Variants in APIP observed in about 807,000 individuals in gnomAD.
APIP encodes APAF1 interacting protein.
A neutral mutation model predicts 32.0 loss-of-function variants in APIP; 32 were observed. The ratio of observed to expected loss-of-function variants is 1.00; its 90% confidence interval spans 0.76 to 1.34. The LOEUF (loss-of-function observed/expected upper bound fraction) is 1.34. Ranked by LOEUF, APIP falls within the 40% of genes most tolerant of loss-of-function variation. The probability of loss-of-function intolerance (pLI) is 0.00; values close to 1 mark genes in which losing one functional copy is unlikely to be tolerated. For synonymous variants in APIP, 92 were observed against 94.8 expected (o/e 0.97, Z 0.17); for missense variants, 247 against 298.6 (o/e 0.83, Z 1.27).
At chr11:34,905,289 G>A (rs560235403) in intron 1 of APIP, among the ~76,000 whole-genome samples, 26 of 105,666 alleles carry the variant, frequency 2.5e-4, no homozygotes, top group Non-Finnish European at 4.5e-4. Flanking sequence ...ATCTGCCATG[G>A]TCCATTTGTA....
chr11:34,909,574 AG>A (rs1853511943), intron 1 of APIP, among the ~76,000 whole-genome samples: 1 of 152,162 alleles, frequency 6.6e-6, no homozygotes, highest in Non-Finnish European at 1.5e-5. Flanking sequence ...GAGAGAGGCA[AG>A]TACTCCAGGC....
intron 5 of APIP, among the ~76,000 whole-genome samples, chr11:34,887,232 C>T (rs1296060994): frequency 1.3e-4 from 20 of 152,096 alleles, no homozygotes; most frequent in Admixed American, 1.3e-3. Flanking sequence ...CTCTACCTTA[C>T]TTTTTCCAAA....
chr11:34,888,280 G>GA lies in APIP; in HGVS notation c.461+12dup, dbSNP rs35393135. On this transcript the variant is annotated intron_variant, in intron 5 of 6. Transcript: ENST00000395787. ...TCTTTTCAAATTATTTAAGAAAAAGGAAAAAAAAATACCTATAATACCCTC... is the reference window on the plus strand; with the variant it reads ...TCTTTTCAAATTATTTAAGAAAAAGGAAAAAAAAAATACCTATAATACCCTC... 118 of 1,550,238 alleles carry GA rather than the reference G, an allele frequency of 7.6e-5. No individual in the cohort carries two copies. Among genetic ancestry groups the GA allele is most frequent in the South Asian group, 3.2e-4 (26 of 80,746 alleles).
chr11:34,883,513 C>CA lies in APIP; in HGVS notation c.462-10dup. 1.2e-6 allele frequency: 2 copies of CA among 1,609,248 alleles called. No homozygotes were observed. Among genetic ancestry groups the CA allele is most frequent in the Non-Finnish European group, 1.7e-6 (2 of 1,177,826 alleles). On this transcript the variant is annotated splice_polypyrimidine_tract_variant and intron_variant, in intron 5 of 6. Transcript: ENST00000395787. ...CTAACATATCATCATATCTGTAAGA[C>CA]AAAACAAGCCATTTTTTTCCATTAA...
chr11:34,893,624 T>C (rs1008925975), intron 2 of APIP, among the ~76,000 whole-genome samples: 2 of 152,224 alleles, frequency 1.3e-5, no homozygotes, highest in African/African-American at 4.8e-5. Context: ...ACAGATGGAT[T>C]TATTGATCTA....
intron 2 of APIP, among the ~76,000 whole-genome samples, chr11:34,892,925 GA>G (rs938823192): frequency 2.6e-5 from 4 of 151,652 alleles, no homozygotes; most frequent in African/African-American, 7.3e-5. Flanking sequence ...AAATATTAGG[GA>G]AAAAAACCAA....
chr11:34,914,264 A>T lies in APIP; in HGVS notation c.57+1964T>A, dbSNP rs534137681. 2.0e-5 allele frequency among the ~76,000 whole-genome samples: 3 copies of T among 152,310 alleles called. No homozygotes were observed. In the South Asian group the frequency reaches 6.2e-4, roughly 32 times the overall value. ...TAATTTGTCTCTTCCACTGTACAGCATGTTCTAGGGGAGAAGGAACCAGAT... is the reference window on the plus strand; with the variant it reads ...TAATTTGTCTCTTCCACTGTACAGCTTGTTCTAGGGGAGAAGGAACCAGAT... On this transcript the variant is annotated intron_variant, in intron 1 of 6. Transcript: ENST00000395787.
chr11:34,903,530 C>T (rs1012032828), intron 1 of APIP, among the ~76,000 whole-genome samples: 5 of 152,160 alleles, frequency 3.3e-5, no homozygotes, highest in Admixed American at 6.5e-5. Context: ...ACCAATGGAC[C>T]GCCTGTAAAA....
intron 4 of APIP, 106 bp downstream of exon 4, chr11:34,888,646 T>G: frequency 1.7e-6 from 2 of 1,147,220 alleles, no homozygotes; most frequent in African/African-American, 1.6e-5. Context: ...TTCAAGTTCT[T>G]GCACATGGTG....
In APIP at chr11:34,895,100, T is replaced by C. The variant is rs17850326; in HGVS notation, c.68A>G (p.His23Arg). ...AAGTTCTGGGATCAGGTATCTTGGA[T>C]GCTCCTTGTCCTTAAAAAGAAGGTA... ...SRRCGAQDKE[H>R]PRYLIPELCK... Residue 23 changes from histidine (H) to arginine (R), a missense_variant, in exon 2 of 7, where the codon CAT becomes CGT. By Grantham distance (29) the His-to-Arg change is conservative. Coordinates refer to ENST00000395787, the MANE Select transcript of APIP (RefSeq NM_015957.4). 6.2e-7 allele frequency: 1 copy of C among 1,613,506 alleles called. No individual in the cohort carries two copies. Among genetic ancestry groups the C allele is most frequent in the Non-Finnish European group, 8.5e-7 (1 of 1,179,538 alleles).
At position 34,888,810 on chromosome 11, in the gene APIP, C is replaced by A; in HGVS notation, c.267G>T (p.Ser89=). 6.6e-7 allele frequency: 1 copy of A among 1,519,912 alleles called. No homozygotes were observed. Among genetic ancestry groups the A allele is most frequent in the Non-Finnish European group, 8.7e-7 (1 of 1,147,582 alleles). The allele number at this position is 1,519,912 out of a possible 1,614,324, so 94.2% of individuals were successfully genotyped here. A position where few individuals can be genotyped will look rare whatever the true frequency, so the allele number is the denominator to read the frequency against. The change falls in exon 4 of 7, where the codon TCG becomes TCT. Residue 89 remains serine (S), a synonymous_variant. Coordinates refer to ENST00000395787, the MANE Select transcript of APIP (RefSeq NM_015957.4). The part of the protein sequence containing the change: ...NEKDISGPSP[S]KKLKKSQCTP... ...TACACTGGCTTTTTTTTAGCTTCTTCGATGGCGAAGGTCCACTTATGTCCT... is the reference window on the plus strand; with the variant it reads ...TACACTGGCTTTTTTTTAGCTTCTTAGATGGCGAAGGTCCACTTATGTCCT...
At chr11:34,896,783 A>C (rs1039736291) in intron 1 of APIP, 1 of 1,286,992 alleles carries the variant, frequency 7.8e-7, no homozygotes, top group Non-Finnish European at 1.0e-6. Context: ...TGAGCGCCAA[A>C]GCCAGAATGT....
rs142737858 is a variant in APIP at position 34,888,422 on chromosome 11, C to A, written c.332G>T (p.Gly111Val). ...FMNAYTMRGA[G>V]AVIHTHSKAA... ...TTTAGAGTGGGTATGAATCACTGCACCTGCTCCTGAAGGAGGAAGAAGAAA... is the reference window on the plus strand; with the variant it reads ...TTTAGAGTGGGTATGAATCACTGCAACTGCTCCTGAAGGAGGAAGAAGAAA... The change falls in exon 5 of 7, where the codon GGT becomes GTT. Residue 111 changes from glycine (G) to valine (V), a missense_variant. Coordinates refer to ENST00000395787, the MANE Select transcript of APIP (RefSeq NM_015957.4). 3 of 1,606,566 alleles carry A rather than the reference C, an allele frequency of 1.9e-6. No homozygotes were observed. Among genetic ancestry groups the A allele is most frequent in the African/African-American group, 2.7e-5 (2 of 74,562 alleles).
At chr11:34,884,711 C>A (rs1405651405) in intron 5 of APIP, among the ~76,000 whole-genome samples, 2 of 133,986 alleles carry the variant, frequency 1.5e-5, no homozygotes, top group Non-Finnish European at 3.3e-5. Flanking sequence ...GCGACAGAGC[C>A]AGACTTAGTC....
chr11:34,892,543 GTCAATATTACTC>G (rs1853200512), intron 2 of APIP, among the ~76,000 whole-genome samples: 1 of 152,106 alleles, frequency 6.6e-6, no homozygotes, highest in African/African-American at 2.4e-5. Context: ...TCTGACACCT[GTCAATATTACTC>G]TGTGAAAACA....
intron 5 of APIP, among the ~76,000 whole-genome samples, chr11:34,887,576 C>T (rs1853100369): frequency 6.6e-6 from 1 of 152,124 alleles, no homozygotes; most frequent in African/African-American, 2.4e-5. Context: ...TTTAGTAAAA[C>T]TGGCACCGTT....
intron 1 of APIP, chr11:34,896,703 C>T: frequency 8.8e-7 from 1 of 1,135,634 alleles, no homozygotes; most frequent in Non-Finnish European, 1.2e-6. Flanking sequence ...CACACGTATC[C>T]CAGAACTTAA....
At chr11:34,909,029 G>C (rs1853499796) in intron 1 of APIP, among the ~76,000 whole-genome samples, 1 of 152,200 alleles carries the variant, frequency 6.6e-6, no homozygotes, top group African/African-American at 2.4e-5. Context: ...CTGAAAGGCA[G>C]TGGTCAAGAA....
chr11:34,882,948 C>A, intron 6 of APIP, 132 bp from the exon 7 acceptor site: 1 of 630,880 alleles, frequency 1.6e-6, no homozygotes. Flanking sequence ...AATTCTAGGC[C>A]AAAATTCTAT....
Sources: allele counts gnomAD v4.1 joint callset (sites outside exome capture counted in the v4.1 genomes callset), GRCh38; gene constraint gnomAD v4.1.1; transcripts MANE v1.5; gene names NCBI Gene and HGNC (gene_info 2026-07-23, HGNC 2026-07-21).